Variants in PACRG observed in about 807,000 individuals in gnomAD.
PACRG encodes parkin coregulated, also known as parkin coregulated gene protein.
PACRG carries 29 observed loss-of-function variants against 29.7 expected under a neutral mutation model. That is an observed-to-expected ratio of 0.98 (90% CI 0.73 to 1.33). The LOEUF (loss-of-function observed/expected upper bound fraction) is 1.33, where lower values mean the gene tolerates loss of function less well. Among genes scored for constraint, PACRG ranks in the 40% most tolerant of loss-of-function variants. PACRG has a pLI of 0.00. For missense variants in PACRG, 279 were observed against 316.2 expected, an observed-to-expected ratio of 0.88 and a Z score of 0.89; for synonymous variants, 116 against 118.7, an observed-to-expected ratio of 0.98 and a Z score of 0.15.
chr6:163,248,795 A>G (rs1782789548), intron 4 of PACRG, among the ~76,000 whole-genome samples: 1 of 152,178 alleles, frequency 6.6e-6, no homozygotes, highest in South Asian at 2.1e-4. Context: ...CGGCCAGATC[A>G]CGAGGTCAGG....
At chr6:163,156,217 C>T (rs767107645) in intron 4 of PACRG, among the ~76,000 whole-genome samples, 3 of 152,168 alleles carry the variant, frequency 2.0e-5, no homozygotes, top group Admixed American at 6.5e-5. Flanking sequence ...CTCATGACTC[C>T]GAAATTTCAG....
intron 1 of PACRG, among the ~76,000 whole-genome samples, chr6:162,730,371 T>C (rs1779668098): frequency 6.6e-6 from 1 of 152,132 alleles, no homozygotes; most frequent in South Asian, 2.1e-4. Context: ...TCAGGACGTG[T>C]ATGCCAATTT....
At chr6:162,892,743 C>T (rs1794858598) in intron 2 of PACRG, among the ~76,000 whole-genome samples, 1 of 152,198 alleles carries the variant, frequency 6.6e-6, no homozygotes, top group Admixed American at 6.5e-5. Context: ...TATTAAAATC[C>T]TCTGTGCCTC....
intron 4 of PACRG, among the ~76,000 whole-genome samples, chr6:163,267,438 C>T (rs9295218): frequency 0.6 from 90,625 of 152,060 alleles, 27,365 homozygotes; most frequent in Middle Eastern, 0.69. Flanking sequence ...TTCTAAAGTA[C>T]TTTTAAGATC....
chr6:163,109,071 C>A (rs1226009418), intron 4 of PACRG, among the ~76,000 whole-genome samples: 1 of 152,192 alleles, frequency 6.6e-6, no homozygotes, highest in African/African-American at 2.4e-5. Context: ...GTTTTCTGCT[C>A]TTTTGCTTCT....
At chr6:162,741,669 C>T (rs1238898517) in intron 1 of PACRG, among the ~76,000 whole-genome samples, 1 of 152,180 alleles carries the variant, frequency 6.6e-6, no homozygotes, top group Non-Finnish European at 1.5e-5. Flanking sequence ...TTTTGGGGAA[C>T]ACAAACAGTC....
intron 4 of PACRG, among the ~76,000 whole-genome samples, chr6:163,258,348 T>C (rs1449785996): frequency 6.6e-6 from 1 of 152,190 alleles, no homozygotes; most frequent in South Asian, 2.1e-4. Flanking sequence ...GGAATATACC[T>C]TCCAGCAGAC....
At chr6:163,135,602 T>A (rs1816902847) in intron 4 of PACRG, among the ~76,000 whole-genome samples, 1 of 152,236 alleles carries the variant, frequency 6.6e-6, no homozygotes, top group Non-Finnish European at 1.5e-5. Flanking sequence ...TAAACAATGA[T>A]TCGGGAAATC....
At chr6:163,069,605 C>G (rs1811858910) in intron 3 of PACRG, among the ~76,000 whole-genome samples, 1 of 150,406 alleles carries the variant, frequency 6.6e-6, no homozygotes, top group Non-Finnish European at 1.5e-5. Flanking sequence ...AAAACACACA[C>G]TCAGGAGAGA....
intron 2 of PACRG, among the ~76,000 whole-genome samples, chr6:163,058,972 A>G (rs1436056236): frequency 2.2e-5 from 3 of 137,944 alleles, no homozygotes; most frequent in African/African-American, 2.8e-5. Flanking sequence ...CCAGCTACTC[A>G]GGAGGCTGAG....
chr6:163,180,944 T>C (rs1441364802), intron 4 of PACRG, among the ~76,000 whole-genome samples: 2 of 152,202 alleles, frequency 1.3e-5, no homozygotes, highest in African/African-American at 4.8e-5. Context: ...TGGGGCTCCG[T>C]ACAGTTATGA....
intron 2 of PACRG, among the ~76,000 whole-genome samples, chr6:162,988,009 A>G (rs1321007237): frequency 1.3e-5 from 2 of 152,178 alleles, no homozygotes; most frequent in Non-Finnish European, 2.9e-5. Context: ...GTGGTGGCAC[A>G]TTCAAGAGAA....
intron 2 of PACRG, among the ~76,000 whole-genome samples, chr6:162,977,750 A>G (rs751823820): frequency 2.0e-5 from 3 of 152,152 alleles, no homozygotes; most frequent in South Asian, 2.1e-4. Flanking sequence ...AAAGAGTTAC[A>G]TTACTATGTT....
At chr6:163,267,916 T>C (rs2128177998) in intron 4 of PACRG, among the ~76,000 whole-genome samples, 1 of 152,326 alleles carries the variant, frequency 6.6e-6, no homozygotes, top group Non-Finnish European at 1.5e-5. Flanking sequence ...AACACCCAAA[T>C]GAGTTACTTT....
intron 2 of PACRG, 138 bp from the exon 3 acceptor site, chr6:163,062,012 A>T: frequency 1.3e-6 from 1 of 762,880 alleles, no homozygotes; most frequent in Non-Finnish European, 2.1e-6. Context: ...TCAGGTCATT[A>T]GGGGGATGGG....
intron 2 of PACRG, among the ~76,000 whole-genome samples, chr6:163,006,589 ATTAG>A (rs1805140404): frequency 6.6e-6 from 1 of 151,800 alleles, no homozygotes; most frequent in Admixed American, 6.6e-5. Context: ...TTGCAATTCT[ATTAG>A]TTTTTCTTCA....
intron 2 of PACRG, among the ~76,000 whole-genome samples, chr6:162,918,920 T>G (rs1327734400): frequency 6.6e-6 from 1 of 152,210 alleles, no homozygotes; most frequent in Non-Finnish European, 1.5e-5. Context: ...ATTAACTGAT[T>G]GATATTTAAT....
intron 2 of PACRG, among the ~76,000 whole-genome samples, chr6:162,976,734 T>G (rs779972986): frequency 6.6e-6 from 1 of 152,190 alleles, no homozygotes. Flanking sequence ...CAATATTTTC[T>G]TATAGAAATA....
intron 4 of PACRG, among the ~76,000 whole-genome samples, chr6:163,274,618 CA>C (rs1256574818): frequency 2.0e-5 from 3 of 152,212 alleles, no homozygotes; most frequent in African/African-American, 7.2e-5. Flanking sequence ...CTGTCTTCCA[CA>C]ATGGTTGAAC....
Sources: gnomAD v4.1 joint callset for allele counts (sites outside exome capture counted in the v4.1 genomes callset) on GRCh38, gnomAD v4.1.1 for gene constraint, MANE v1.5 for transcripts, NCBI Gene and HGNC (gene_info 2026-07-23, HGNC 2026-07-21) for gene names.